The following PPP2R2C variants were observed in gnomAD, a reference collection of about 807,000 sequenced individuals.
PPP2R2C encodes protein phosphatase 2, regulatory subunit B, gamma.
In PPP2R2C, 10 loss-of-function variants were observed where a neutral mutation model predicts 45.3. The observed-to-expected ratio is 0.22, with a 90% CI of 0.14 to 0.37. The LOEUF (loss-of-function observed/expected upper bound fraction) is 0.37, where lower values mean the gene tolerates loss of function less well. Among genes scored for constraint, PPP2R2C ranks in the 10% least tolerant of loss-of-function variants. The probability of loss-of-function intolerance (pLI) is 1.00; values close to 1 mark genes in which losing one functional copy is unlikely to be tolerated. For synonymous variants in PPP2R2C, 257 were observed against 245.4 expected (o/e 1.05, Z -0.44); for missense variants, 308 against 619.7 (o/e 0.50, Z 5.34).
At chr4:6,401,551 G>T (rs1477416488) in intron 1 of PPP2R2C, among the ~76,000 whole-genome samples, 2 of 152,064 alleles carry the variant, frequency 1.3e-5, no homozygotes, top group African/African-American at 4.8e-5. Flanking sequence ...GCCTGAAAGA[G>T]CAGCTGGGGG....
At chr4:6,389,690 C>G (rs4997045) in intron 1 of PPP2R2C, among the ~76,000 whole-genome samples, 13,582 of 152,250 alleles carry the variant, frequency 0.089, 673 homozygotes, top group South Asian at 0.14. Flanking sequence ...CTTCTGGGCA[C>G]TTCCTGGGAG....
At position 6,378,473 on chromosome 4, in the gene PPP2R2C, C is replaced by G; in HGVS notation, c.268G>C (p.Glu90Gln). The part of the protein sequence containing the change: ...FDYLKSLEIE[E>Q]KINKIKWLPQ... Reference sequence around the variant, plus strand: ...AGCCACTTGATCTTGTTGATCTTCTCCTCTATCTCCAGGCTCTTGAGATAG... The same window carrying G: ...AGCCACTTGATCTTGTTGATCTTCTGCTCTATCTCCAGGCTCTTGAGATAG... The change falls in exon 3 of 9, where the codon GAG becomes CAG. Residue 90 changes from glutamate to glutamine, a missense_variant. Transcript: ENST00000382599. This position sits in a 1 kb window ranked among gnomAD's most constrained non-coding sequence, Gnocchi z 5.2. 1 of 1,614,184 alleles carries G rather than the reference C, an allele frequency of 6.2e-7. No homozygotes were observed. Among genetic ancestry groups the G allele is most frequent in the Non-Finnish European group, 8.5e-7 (1 of 1,180,040 alleles).
intron 5 of PPP2R2C, among the ~76,000 whole-genome samples, chr4:6,355,487 G>A (rs1713079124): frequency 6.7e-6 from 1 of 149,420 alleles, no homozygotes; most frequent in Non-Finnish European, 1.5e-5. Context: ...CCTGTACAAT[G>A]TGCACATGTA....
rs1033633757 is a variant in PPP2R2C, at chr4:6,328,800, C to T, written c.1052+462G>A. The stretch of plus-strand genomic sequence containing the variant: ...GCCTCAGCGGGCCCGAGTGGGGTGT[C>T]ACCAGGAAGAGAGGGAGACAGTAGT... On this transcript the variant is annotated intron_variant, in intron 8 of 8. Transcript: ENST00000382599. The surrounding 1 kb of genome is among the most constrained non-coding windows in gnomAD (Gnocchi z 4.4). Among the ~76,000 whole-genome samples the T allele has an allele frequency of 7.9e-5, 12 of 152,144 alleles. No homozygotes were observed. The highest frequency in any genetic ancestry group is 2.9e-4 in the African/African-American group (12 of 41,414).
intron 1 of PPP2R2C, among the ~76,000 whole-genome samples, chr4:6,387,654 T>C (rs1323179854): frequency 6.6e-6 from 1 of 151,692 alleles, no homozygotes; most frequent in African/African-American, 2.4e-5. Flanking sequence ...CTACTAAAAA[T>C]ACAAAAAAAT....
intron 3 of PPP2R2C, among the ~76,000 whole-genome samples, chr4:6,377,439 C>T (rs563514437): frequency 6.1e-4 from 93 of 151,998 alleles, no homozygotes; most frequent in African/African-American, 2.0e-3. Flanking sequence ...GCGGATCACC[C>T]GAGGTCAGGA....
intron 5 of PPP2R2C, among the ~76,000 whole-genome samples, chr4:6,363,644 G>A (rs1444876434): frequency 2.6e-5 from 4 of 152,102 alleles, no homozygotes; most frequent in African/African-American, 4.8e-5. Context: ...CTGCCAAAGA[G>A]ATGTCCATGA....
chr4:6,487,534 TTC>T (rs905207094), intron 2 of PPP2R2C, among the ~76,000 whole-genome samples: 37 of 152,240 alleles, frequency 2.4e-4, no homozygotes, highest in African/African-American at 8.7e-4. Flanking sequence ...TTCCACTGCA[TTC>T]TCACTTGCAT....
intron 1 of PPP2R2C, among the ~76,000 whole-genome samples, chr4:6,453,329 T>C (rs921055266): frequency 2.6e-5 from 4 of 152,116 alleles, no homozygotes; most frequent in African/African-American, 9.7e-5. Flanking sequence ...AGGGACAGTA[T>C]GGGAGACAGA....
rs13128187 is a variant in PPP2R2C, at chr4:6,432,897, G to A, written c.70+39263C>T. On this transcript the variant is annotated intron_variant, in intron 1 of 8. Coordinates refer to ENST00000382599, the MANE Select transcript of PPP2R2C (RefSeq NM_020416.4). The stretch of plus-strand genomic sequence containing the variant: ...ACCCCTGAGACTGCAAGACCAACCC[G>A]TCCTCTTCCTTCTCCTCAGCCTACT... Among the ~76,000 whole-genome samples the A allele has an allele frequency of 3.2e-3, 483 of 152,086 alleles. 1 individual carries two copies. The highest frequency in any genetic ancestry group is 6.8e-3 in the Middle Eastern group (2 of 294).
At chr4:6,559,644 G>A (rs2108846329) in intron 1 of PPP2R2C, among the ~76,000 whole-genome samples, 1 of 152,152 alleles carries the variant, frequency 6.6e-6, no homozygotes, top group Middle Eastern at 3.4e-3. Flanking sequence ...GATATGAGGA[G>A]CCGGGCCCTG....
rs148453274 is a variant in PPP2R2C, at chr4:6,410,841, TTTTATTTATTTATTTA to T, written c.71-29763_71-29748del. 3.6e-4 allele frequency among the ~76,000 whole-genome samples: 51 copies of T among 140,430 alleles called. 1 individual carries two copies. Among genetic ancestry groups the T allele is most frequent in the Middle Eastern group, 3.6e-3 (1 of 280 alleles). 92.1% of individuals were successfully genotyped at this position (140,430 alleles called of 152,430 possible). A position where few individuals can be genotyped will look rare whatever the true frequency, so the allele number is the denominator to read the frequency against. ...GGAGTAGGGACTACTATTCCCCCTG[TTTTATTTATTTATTTA>T]TTTATTTATTTATTTATTTATTTAT... On this transcript the variant is annotated intron_variant, in intron 1 of 8. Transcript: ENST00000382599.
At chr4:6,339,278 T>A in intron 6 of PPP2R2C, among the ~76,000 whole-genome samples, 1 of 152,162 alleles carries the variant, frequency 6.6e-6, no homozygotes, top group East Asian at 1.9e-4. Flanking sequence ...CCTGCCTTGG[T>A]CATTAGTCAC....
intron 2 of PPP2R2C, among the ~76,000 whole-genome samples, chr4:6,507,271 T>C (rs1257704829): frequency 6.6e-6 from 1 of 152,170 alleles, no homozygotes; most frequent in Non-Finnish European, 1.5e-5. Context: ...AGCTATAAAC[T>C]AAAAGGTTTG....
intron 2 of PPP2R2C, among the ~76,000 whole-genome samples, chr4:6,511,429 ATGGTGGTGG>A (rs1295041234): frequency 1.3e-5 from 1 of 77,746 alleles, no homozygotes; most frequent in Non-Finnish European, 2.6e-5. Context: ...GATGGTGGTG[ATGGTGGTGG>A]TGACGGTGGT....
chr4:6,369,004 G>C (rs1417204857), intron 5 of PPP2R2C, among the ~76,000 whole-genome samples: 1 of 152,124 alleles, frequency 6.6e-6, no homozygotes, highest in Admixed American at 6.5e-5. Context: ...TCCTTCTGAT[G>C]AATGAAGGGG....
rs181646843 is a variant in PPP2R2C, at chr4:6,434,469, G to A, written c.70+37691C>T. On this transcript the variant is annotated intron_variant, in intron 1 of 8. Coordinates refer to ENST00000382599, the MANE Select transcript of PPP2R2C (RefSeq NM_020416.4). Reference sequence around the variant, plus strand: ...CACCTCCTGGGTTCAAGCGATTCTCGTGCCTCAGCCTCCCAAGTACCTAAA... The same window carrying A: ...CACCTCCTGGGTTCAAGCGATTCTCATGCCTCAGCCTCCCAAGTACCTAAA... Among the ~76,000 whole-genome samples, 212 of 146,426 alleles carry A rather than the reference G, an allele frequency of 1.4e-3. 1 individual carries two copies. The highest frequency in any genetic ancestry group is 5.0e-3 in the African/African-American group (198 of 39,672).
chr4:6,361,877 G>A (rs1044342425), intron 5 of PPP2R2C, among the ~76,000 whole-genome samples: 3 of 152,208 alleles, frequency 2.0e-5, no homozygotes, highest in South Asian at 2.1e-4. Flanking sequence ...CTCCATGATC[G>A]ATCGATGGCC....
intron 1 of PPP2R2C, among the ~76,000 whole-genome samples, chr4:6,455,990 G>T (rs560688798): frequency 3.2e-4 from 45 of 139,460 alleles, no homozygotes; most frequent in Non-Finnish European, 5.7e-4. Context: ...AGAAATCCTG[G>T]GGGGGGGGAG....
Sources: allele counts gnomAD v4.1 joint callset (sites outside exome capture counted in the v4.1 genomes callset), GRCh38; gene constraint gnomAD v4.1.1; non-coding constraint Gnocchi (gnomAD v3.1); transcripts MANE v1.5; gene names NCBI Gene and HGNC (gene_info 2026-07-23, HGNC 2026-07-21).